FGF12: variants seen among roughly 807,000 people sequenced by gnomAD.
FGF12 encodes fibroblast growth factor 12, also known as fibroblast growth factor 12B.
A neutral mutation model predicts 23.6 loss-of-function variants in FGF12; 14 were observed. The observed-to-expected ratio is 0.59, with a 90% confidence interval of 0.39 to 0.93. The LOEUF (loss-of-function observed/expected upper bound fraction) is 0.93. Ranked by LOEUF, FGF12 falls within the 40% of genes least tolerant of loss-of-function variation. The pLI is 0.00. For synonymous variants in FGF12, 62 were observed against 77.3 expected (o/e 0.80, Z 1.04); for missense variants, 175 against 217.8 (o/e 0.80, Z 1.24).
intron 2 of FGF12, among the ~76,000 whole-genome samples, chr3:192,669,467 G>A (rs886958558): frequency 2.0e-5 from 3 of 151,822 alleles, no homozygotes; most frequent in Non-Finnish European, 4.4e-5. Context: ...GGGACCTATA[G>A]TCCCAGCTAC....
At chr3:192,551,956 T>C (rs1218552934) in intron 2 of FGF12, among the ~76,000 whole-genome samples, 1 of 152,016 alleles carries the variant, frequency 6.6e-6, no homozygotes, top group Admixed American at 6.6e-5. Context: ...AATATAGATA[T>C]ATAGGTGGAT....
chr3:192,610,729 T>C (rs1714521147), intron 2 of FGF12, among the ~76,000 whole-genome samples: 1 of 152,030 alleles, frequency 6.6e-6, no homozygotes. Flanking sequence ...AAGATCTGGC[T>C]TCCCCATTTC....
At chr3:192,499,066 A>T (rs1370004735) in intron 2 of FGF12, among the ~76,000 whole-genome samples, 2 of 152,176 alleles carry the variant, frequency 1.3e-5, no homozygotes, top group East Asian at 3.9e-4. Context: ...CTTTATTTTT[A>T]TCCCTGATAT....
intron 2 of FGF12, among the ~76,000 whole-genome samples, chr3:192,527,617 C>G (rs1354918492): frequency 6.6e-6 from 1 of 152,166 alleles, no homozygotes; most frequent in East Asian, 1.9e-4. Flanking sequence ...TCTTCAGCAT[C>G]CTGGGCTTAT....
intron 4 of FGF12, among the ~76,000 whole-genome samples, chr3:192,196,911 AAT>A (rs1416997762): frequency 6.6e-6 from 1 of 152,146 alleles, no homozygotes; most frequent in African/African-American, 2.4e-5. Context: ...AAAATAACTT[AAT>A]AAGACAGTGA....
chr3:192,477,610 G>A (rs1387580167), intron 2 of FGF12, among the ~76,000 whole-genome samples: 1 of 152,110 alleles, frequency 6.6e-6, no homozygotes, highest in Non-Finnish European at 1.5e-5. Context: ...GTTTCTGTAA[G>A]TATAGCAGCT....
At chr3:192,681,573 A>G (rs1191690104) in intron 2 of FGF12, among the ~76,000 whole-genome samples, 1 of 152,202 alleles carries the variant, frequency 6.6e-6, no homozygotes, top group Non-Finnish European at 1.5e-5. Context: ...ATCTCTAAAA[A>G]TCCCTGTGAC....
intron 2 of FGF12, among the ~76,000 whole-genome samples, chr3:192,559,001 T>C (rs1272276470): frequency 2.6e-5 from 4 of 151,918 alleles, no homozygotes; most frequent in African/African-American, 2.4e-5. Flanking sequence ...AGAACTCTTA[T>C]AATAAATCAT....
chr3:192,377,126 C>T (rs1396349352), intron 2 of FGF12, among the ~76,000 whole-genome samples: 2 of 152,166 alleles, frequency 1.3e-5, no homozygotes, highest in Non-Finnish European at 2.9e-5. Flanking sequence ...CACCCATTGC[C>T]CTAGGTGGAC....
At chr3:192,174,183 C>T (rs1715733058) in intron 4 of FGF12, among the ~76,000 whole-genome samples, 1 of 152,224 alleles carries the variant, frequency 6.6e-6, no homozygotes. Context: ...AAAAACAACA[C>T]TCTCATTTAA....
intron 2 of FGF12, among the ~76,000 whole-genome samples, chr3:192,373,150 G>C (rs181451444): frequency 8.2e-4 from 124 of 151,910 alleles, no homozygotes; most frequent in South Asian, 2.3e-3. Flanking sequence ...TAACTAGATA[G>C]CTATTTCTCT....
At position 192,143,814 on chromosome 3, in the gene FGF12, A is replaced by C. The variant is rs1713540313; in HGVS notation, c.*195T>G. The C allele has an allele frequency of 3.9e-6, 2 of 511,070 alleles. No individual in the cohort carries two copies. The highest frequency in any genetic ancestry group is 3.0e-5 in the South Asian group (1 of 33,630). 31.7% of individuals were successfully genotyped at this position (511,070 alleles called of 1,614,324 possible). ...TTTGTGCACGTGAATTTTCTACCACATTGCAACAAGCAAGCTTTGGTTCAA... is the reference window on the plus strand; with the variant it reads ...TTTGTGCACGTGAATTTTCTACCACCTTGCAACAAGCAAGCTTTGGTTCAA... On this transcript the variant is annotated 3_prime_UTR_variant, in exon 6 of 6. Transcript: ENST00000445105.
intron 4 of FGF12, among the ~76,000 whole-genome samples, chr3:192,242,188 T>C (rs1176300908): frequency 6.6e-6 from 1 of 151,846 alleles, no homozygotes; most frequent in African/African-American, 2.4e-5. Flanking sequence ...AACAAAAGAG[T>C]AGGACTAGTA....
chr3:192,661,617 T>C (rs1716674818), intron 2 of FGF12, among the ~76,000 whole-genome samples: 1 of 152,092 alleles, frequency 6.6e-6, no homozygotes, highest in Admixed American at 6.6e-5. Context: ...AAATAGTAAA[T>C]ACTGGAGATT....
intron 4 of FGF12, among the ~76,000 whole-genome samples, chr3:192,264,157 C>T (rs116042747): frequency 0.014 from 2,101 of 152,032 alleles, 47 homozygotes; most frequent in African/African-American, 0.048. Flanking sequence ...CAGAGTATTC[C>T]GATTTGTTTT....
At chr3:192,332,833 C>T (rs566142447) in intron 4 of FGF12, among the ~76,000 whole-genome samples, 45 of 152,136 alleles carry the variant, frequency 3.0e-4, no homozygotes, top group African/African-American at 1.0e-3. Flanking sequence ...GTGTTGCCTA[C>T]GACATAGAAA....
chr3:192,405,297 A>G (rs150841844), intron 2 of FGF12, among the ~76,000 whole-genome samples: 3 of 151,400 alleles, frequency 2.0e-5, no homozygotes, highest in Admixed American at 2.0e-4. Flanking sequence ...CACTGTATTT[A>G]TACAGCTTCA....
intron 2 of FGF12, among the ~76,000 whole-genome samples, chr3:192,652,884 G>A (rs1036212406): frequency 6.6e-6 from 1 of 152,188 alleles, no homozygotes; most frequent in Non-Finnish European, 1.5e-5. Context: ...TTGCAAGATG[G>A]ACTGTTTGGG....
At chr3:192,549,378 G>A (rs1033751513) in intron 2 of FGF12, among the ~76,000 whole-genome samples, 3 of 152,160 alleles carry the variant, frequency 2.0e-5, no homozygotes, top group Non-Finnish European at 4.4e-5. Flanking sequence ...TCCTGGAATT[G>A]TGCTAAGTAG....
Sources: allele counts gnomAD v4.1 joint callset (sites outside exome capture counted in the v4.1 genomes callset), GRCh38; gene constraint gnomAD v4.1.1; transcripts MANE v1.5; gene names NCBI Gene and HGNC (gene_info 2026-07-23, HGNC 2026-07-21).